Variants in TMEM248 observed in about 807,000 individuals in gnomAD.
TMEM248 encodes the protein transmembrane protein 248.
A neutral mutation model predicts 30.3 loss-of-function variants in TMEM248; 9 were observed. The ratio of observed to expected loss-of-function variants is 0.30; its 90% CI spans 0.18 to 0.52. The LOEUF (loss-of-function observed/expected upper bound fraction) is 0.52, where lower values mean the gene tolerates loss of function less well. Ranked by LOEUF, TMEM248 falls within the 20% of genes least tolerant of loss-of-function variation. The probability of loss-of-function intolerance (pLI) is 0.97; values close to 1 mark genes in which losing one functional copy is unlikely to be tolerated. For synonymous variants in TMEM248, 184 were observed against 154.4 expected (o/e 1.19, Z -1.42); for missense variants, 338 against 403.3 (o/e 0.84, Z 1.39).
chr7:66,945,813 C>T (rs1019719299), intron 3 of TMEM248, among the ~76,000 whole-genome samples: 1 of 151,970 alleles, frequency 6.6e-6, no homozygotes, highest in African/African-American at 2.4e-5. Flanking sequence ...TGGCCGGGCG[C>T]GGTGGCTCAC....
At chr7:66,932,721 G>A (rs1488353451) in intron 1 of TMEM248, among the ~76,000 whole-genome samples, 1 of 151,196 alleles carries the variant, frequency 6.6e-6, no homozygotes, top group Non-Finnish European at 1.5e-5. Context: ...TCACCATGTT[G>A]CCCAAGCTAG....
At chr7:66,955,407 A>G in intron 6 of TMEM248, 95 bp from the exon 7 acceptor site, 2 of 1,364,998 alleles carry the variant, frequency 1.5e-6, no homozygotes, top group Non-Finnish European at 2.1e-6. Context: ...TCTGGTTGAT[A>G]TGTGCAATTA....
chr7:66,931,792 CTTTTT>C (rs1156882038), intron 1 of TMEM248, among the ~76,000 whole-genome samples: 2 of 88,434 alleles, frequency 2.3e-5, no homozygotes, highest in South Asian at 3.4e-4. Flanking sequence ...GGCCTTCCTC[CTTTTT>C]TTTTTTTTTT....
chr7:66,929,593 T>C (rs1584397298), intron 1 of TMEM248, among the ~76,000 whole-genome samples: 1 of 152,108 alleles, frequency 6.6e-6, no homozygotes, highest in East Asian at 1.9e-4. Flanking sequence ...TGCACCGCCA[T>C]GCCCAGCTAA....
At chr7:66,924,796 G>A (rs998447966) in intron 1 of TMEM248, among the ~76,000 whole-genome samples, 5 of 151,736 alleles carry the variant, frequency 3.3e-5, no homozygotes, top group African/African-American at 9.7e-5. Flanking sequence ...TGCAACCTTC[G>A]CCGCCCAGTT....
chr7:66,952,872 G>A (rs1225848342), intron 5 of TMEM248, among the ~76,000 whole-genome samples: 2 of 152,220 alleles, frequency 1.3e-5, no homozygotes, highest in Non-Finnish European at 2.9e-5. Context: ...TTGTGACGAG[G>A]ATGTGTCCAG....
chr7:66,951,893 C>T (rs1018630431), intron 5 of TMEM248, among the ~76,000 whole-genome samples: 17 of 151,992 alleles, frequency 1.1e-4, no homozygotes, highest in African/African-American at 4.1e-4. Context: ...AACCCCTGGT[C>T]TCAAGCGATC....
At chr7:66,941,019 G>A (rs1003829591) in intron 1 of TMEM248, among the ~76,000 whole-genome samples, 1 of 152,156 alleles carries the variant, frequency 6.6e-6, no homozygotes, top group Non-Finnish European at 1.5e-5. Flanking sequence ...GGAGGCTGAG[G>A]CAGGAGGATT....
chr7:66,945,675 G>A (rs1254013582), intron 3 of TMEM248, among the ~76,000 whole-genome samples: 1 of 152,220 alleles, frequency 6.6e-6, no homozygotes, highest in Non-Finnish European at 1.5e-5. Flanking sequence ...AGATGGCTGG[G>A]TGCAGTAGCT....
At chr7:66,942,739 A>G (rs961848437) in intron 2 of TMEM248, among the ~76,000 whole-genome samples, 1 of 151,878 alleles carries the variant, frequency 6.6e-6, no homozygotes, top group African/African-American at 2.4e-5. Context: ...CAGGTGATCC[A>G]CCCATCTCGG....
At chr7:66,954,383 A>ATTT (rs557096964) in intron 6 of TMEM248, among the ~76,000 whole-genome samples, 6 of 125,318 alleles carry the variant, frequency 4.8e-5, no homozygotes, top group Non-Finnish European at 6.9e-5. Flanking sequence ...TGCTTTTTTA[A>ATTT]TTTTTTTTTT....
intron 1 of TMEM248, among the ~76,000 whole-genome samples, chr7:66,941,156 G>A (rs1224375470): frequency 6.6e-6 from 1 of 152,138 alleles, no homozygotes; most frequent in Non-Finnish European, 1.5e-5. Flanking sequence ...GCCAAGGCAG[G>A]CAGATTACGA....
chr7:66,922,398 T>G (rs565266815), intron 1 of TMEM248, among the ~76,000 whole-genome samples: 1 of 152,330 alleles, frequency 6.6e-6, no homozygotes, highest in East Asian at 1.9e-4. Flanking sequence ...CCATCAGCGC[T>G]TGACCGATAA....
intron 2 of TMEM248, among the ~76,000 whole-genome samples, chr7:66,943,079 A>G (rs1281455559): frequency 6.6e-6 from 1 of 151,628 alleles, no homozygotes. Context: ...AGTTTTAGCT[A>G]TTTCTACCAT....
intron 2 of TMEM248, among the ~76,000 whole-genome samples, chr7:66,943,676 TA>T (rs1255432802): frequency 6.6e-6 from 1 of 151,802 alleles, no homozygotes; most frequent in Non-Finnish European, 1.5e-5. Context: ...GTTGAGTTTG[TA>T]GGTGTTAGGG....
intron 3 of TMEM248, among the ~76,000 whole-genome samples, chr7:66,947,766 A>C (rs566719820): frequency 6.6e-6 from 1 of 151,320 alleles, no homozygotes; most frequent in South Asian, 2.1e-4. Flanking sequence ...TTTATTTAAA[A>C]TTTTATTTTA....
Position 66,921,334 on chromosome 7 carries a change from G to A in TMEM248, c.-146G>A, listed in dbSNP as rs553678308. 1.6e-3 allele frequency: 248 copies of A among 151,136 alleles called. 2 individuals carry two copies. Among genetic ancestry groups the A allele is most frequent in the African/African-American group, 5.7e-3 (237 of 41,420 alleles). 9.4% of individuals were successfully genotyped at this position (151,136 alleles called of 1,614,324 possible). ...AGCCAGACGCTGCCCCCGGCGCGGG[G>A]AGAAGATGGTGCCTAGCGGCCTCGG... is the stretch of plus-strand genomic sequence containing the variant. On this transcript the variant is annotated 5_prime_UTR_variant, in exon 1 of 7. Coordinates refer to ENST00000341567, the MANE Select transcript of TMEM248 (RefSeq NM_017994.5).
At chr7:66,926,955 C>T (rs1791542441) in intron 1 of TMEM248, among the ~76,000 whole-genome samples, 1 of 152,100 alleles carries the variant, frequency 6.6e-6, no homozygotes, top group South Asian at 2.1e-4. Flanking sequence ...TCAAACATGT[C>T]CCAGTCTTAC....
rs558924772 is a variant in TMEM248 at position 66,933,713 on chromosome 7, C to T, written c.-18-8135C>T. On this transcript the variant is annotated intron_variant, in intron 1 of 6. Coordinates refer to ENST00000341567, the MANE Select transcript of TMEM248 (RefSeq NM_017994.5). The stretch of plus-strand genomic sequence containing the variant: ...GCTTACAGTGCCGTCTGATGTTTAG[C>T]GTCTTCACTGAGTTAGTCTCAGAGA... 5.7e-4 allele frequency among the ~76,000 whole-genome samples: 87 copies of T among 152,276 alleles called. 1 individual carries two copies. In the South Asian group the frequency reaches 0.011, roughly 20 times the overall value.
Sources: allele counts gnomAD v4.1 joint callset (sites outside exome capture counted in the v4.1 genomes callset), GRCh38; gene constraint gnomAD v4.1.1; transcripts MANE v1.5; gene names NCBI Gene and HGNC (gene_info 2026-07-23, HGNC 2026-07-21).